Variants in TSPEAR observed in about 807,000 individuals in gnomAD.
TSPEAR encodes the protein thrombospondin-type laminin G domain and EAR repeat-containing protein.
A neutral mutation model predicts 71.6 loss-of-function variants in TSPEAR; 69 were observed. The ratio of observed to expected loss-of-function variants is 0.96; its 90% CI spans 0.79 to 1.18. The LOEUF (loss-of-function observed/expected upper bound fraction) is 1.18. Ranked by LOEUF, TSPEAR falls within the 50% of genes most tolerant of loss-of-function variation. The pLI, the probability that TSPEAR is intolerant of heterozygous loss-of-function variation, is 0.00. For missense variants in TSPEAR, 971 were observed against 894.9 expected (o/e 1.09, Z -1.09); for synonymous variants, 402 against 387.2 (o/e 1.04, Z -0.45).
In TSPEAR at chr21:44,556,538, A is replaced by G. The variant is rs1416281175; in HGVS notation, c.303+11247T>C. Among the ~76,000 whole-genome samples the G allele has an allele frequency of 2.6e-5, 4 of 152,128 alleles. No individual in the cohort carries two copies. In the East Asian group the frequency reaches 5.8e-4, roughly 22 times the overall value. On this transcript the variant is annotated intron_variant, in intron 2 of 11. Transcript: ENST00000323084. Reference sequence around the variant, plus strand: ...AAACCCCGTCTTTACTAAAAATACAAAAAAATTAGCTGGGCATGGTGGCCT... The same window carrying G: ...AAACCCCGTCTTTACTAAAAATACAGAAAAATTAGCTGGGCATGGTGGCCT...
chr21:44,690,600 G>A (rs1987085724), intron 1 of TSPEAR: 1 of 985,302 alleles, frequency 1.0e-6, no homozygotes, highest in Admixed American at 6.1e-5. Context: ...TTTCAAAGAT[G>A]AGCATGCTGT....
chr21:44,688,157 T>A (rs1262057766), intron 1 of TSPEAR, among the ~76,000 whole-genome samples: 1 of 151,960 alleles, frequency 6.6e-6, no homozygotes, highest in Admixed American at 6.5e-5. Context: ...ACACATGAGA[T>A]CCTTGCTTTG....
At chr21:44,702,704 G>A in intron 1 of TSPEAR, 2 of 1,506,156 alleles carry the variant, frequency 1.3e-6, no homozygotes, top group South Asian at 2.3e-5. Flanking sequence ...CAGCCCAGCT[G>A]CTGCCACCCA....
intron 1 of TSPEAR, among the ~76,000 whole-genome samples, chr21:44,672,397 C>T (rs1392392942): frequency 2.0e-5 from 3 of 152,136 alleles, no homozygotes; most frequent in East Asian, 1.9e-4. Context: ...GGTGAAACCC[C>T]GTCTCTACTA....
chr21:44,569,166 C>T (rs2053750362), intron 1 of TSPEAR, among the ~76,000 whole-genome samples: 1 of 152,190 alleles, frequency 6.6e-6, no homozygotes, highest in Non-Finnish European at 1.5e-5. Flanking sequence ...CCTCTGTGTC[C>T]TCCAGAGAGT....
intron 11 of TSPEAR, among the ~76,000 whole-genome samples, chr21:44,500,409 G>A (rs587775623): frequency 3.8e-4 from 58 of 152,372 alleles, no homozygotes; most frequent in African/African-American, 1.1e-3. Context: ...TGCTCTGGGC[G>A]GCTGCTGGCC....
intron 2 of TSPEAR, among the ~76,000 whole-genome samples, chr21:44,543,689 T>C (rs184873355): frequency 2.0e-5 from 3 of 152,226 alleles, no homozygotes; most frequent in African/African-American, 4.8e-5. Flanking sequence ...GAGGCAAAGA[T>C]TGGAGTGAAG....
At chr21:44,666,533 C>G in intron 1 of TSPEAR, 1 of 1,612,810 alleles carries the variant, frequency 6.2e-7, no homozygotes. Flanking sequence ...ACTGGCAGGA[C>G]GGAGCCGCAT....
intron 1 of TSPEAR, among the ~76,000 whole-genome samples, chr21:44,594,648 C>T (rs1980237351): frequency 6.6e-6 from 1 of 152,084 alleles, no homozygotes; most frequent in African/African-American, 2.4e-5. Flanking sequence ...TAACCTATTG[C>T]ACATGTGTAT....
chr21:44,657,803 GA>G (rs1324733097), intron 1 of TSPEAR: 1 of 635,586 alleles, frequency 1.6e-6, no homozygotes, highest in East Asian at 2.7e-5. Context: ...CATGACGCGG[GA>G]AAGTACACGC....
intron 1 of TSPEAR, among the ~76,000 whole-genome samples, chr21:44,620,836 C>T (rs188743875): frequency 6.6e-6 from 1 of 152,298 alleles, no homozygotes; most frequent in Non-Finnish European, 1.5e-5. Context: ...CATTGCATCT[C>T]GTTAAGTTTT....
At chr21:44,531,663 C>T (rs1363254338) in intron 3 of TSPEAR, among the ~76,000 whole-genome samples, 11 of 152,322 alleles carry the variant, frequency 7.2e-5, no homozygotes, top group Admixed American at 2.6e-4. Context: ...TCATGGTGAA[C>T]GTGCAGTGGC....
intron 2 of TSPEAR, chr21:44,558,375 C>G (rs1403614330): frequency 6.2e-7 from 1 of 1,613,542 alleles, no homozygotes; most frequent in Non-Finnish European, 8.5e-7. Context: ...AGGCTTGCAG[C>G]AGACGGGCAC....
intron 1 of TSPEAR, chr21:44,580,563 T>A: frequency 1.9e-6 from 3 of 1,611,952 alleles, no homozygotes; most frequent in South Asian, 2.2e-5. Context: ...CAGACGGACA[T>A]GGTGCACGCG....
At chr21:44,555,002 G>A (rs1173054939) in intron 2 of TSPEAR, among the ~76,000 whole-genome samples, 2 of 152,040 alleles carry the variant, frequency 1.3e-5, no homozygotes, top group Non-Finnish European at 2.9e-5. Context: ...AAGCATAAAG[G>A]TAAACTTAAA....
chr21:44,680,998 AAG>A (rs376651620), intron 1 of TSPEAR, among the ~76,000 whole-genome samples: 9 of 152,360 alleles, frequency 5.9e-5, no homozygotes, highest in Non-Finnish European at 8.8e-5. Flanking sequence ...AATCAGCTAG[AAG>A]AGAGAGTGTA....
chr21:44,554,121 GTAT>G (rs1255176828), intron 2 of TSPEAR, among the ~76,000 whole-genome samples: 1 of 152,184 alleles, frequency 6.6e-6, no homozygotes, highest in Non-Finnish European at 1.5e-5. Context: ...CAATATGATG[GTAT>G]TAAGAGGTGG....
chr21:44,550,524 G>T, intron 2 of TSPEAR: 1 of 1,051,392 alleles, frequency 9.5e-7, no homozygotes, highest in Non-Finnish European at 1.4e-6. Flanking sequence ...CCCGCCCGGC[G>T]GGAGGTCAGA....
intron 1 of TSPEAR, among the ~76,000 whole-genome samples, chr21:44,618,370 T>A (rs2146188396): frequency 6.6e-6 from 1 of 152,370 alleles, no homozygotes; most frequent in South Asian, 2.1e-4. Context: ...TCAATCAAAG[T>A]TCTTTCCTTT....
Sources: allele counts gnomAD v4.1 joint callset (sites outside exome capture counted in the v4.1 genomes callset), GRCh38; gene constraint gnomAD v4.1.1; transcripts MANE v1.5; gene names NCBI Gene and HGNC (gene_info 2026-07-23, HGNC 2026-07-21).